Variants in SEPTIN9 observed in about 807,000 individuals in gnomAD.
SEPTIN9 encodes the protein septin-9.
In SEPTIN9, 13 loss-of-function variants were observed where a neutral mutation model predicts 56.6. That is an observed-to-expected ratio of 0.23 (90% CI 0.15 to 0.37). SEPTIN9 has a LOEUF of 0.37. Among genes scored for constraint, SEPTIN9 ranks in the 10% least tolerant of loss-of-function variants. The pLI, the probability that SEPTIN9 is intolerant of heterozygous loss-of-function variation, is 1.00. For synonymous variants in SEPTIN9, 332 were observed against 334.1 expected, an observed-to-expected ratio of 0.99 and a Z score of 0.07; for missense variants, 650 against 823.1, an observed-to-expected ratio of 0.79 and a Z score of 2.57.
chr17:77,321,774 C>T (rs1170669483), intron 2 of SEPTIN9, among the ~76,000 whole-genome samples: 1 of 152,190 alleles, frequency 6.6e-6, no homozygotes, highest in African/African-American at 2.4e-5. Flanking sequence ...GCACAGCAGG[C>T]GGACCTCAGG....
chr17:77,482,022 T>A, intron 3 of SEPTIN9, 122 bp from the exon 4 acceptor site: 1 of 961,490 alleles, frequency 1.0e-6, no homozygotes, highest in East Asian at 2.6e-5. Flanking sequence ...GGCAAGTCGC[T>A]TAGCCTTTCT....
chr17:77,315,830 G>A (rs1427258902), intron 2 of SEPTIN9, among the ~76,000 whole-genome samples: 1 of 152,214 alleles, frequency 6.6e-6, no homozygotes, highest in Non-Finnish European at 1.5e-5. Context: ...AAGTGGCCAG[G>A]GGTCTATGGG....
intron 3 of SEPTIN9, among the ~76,000 whole-genome samples, chr17:77,410,063 A>G (rs2036238644): frequency 6.6e-6 from 1 of 152,160 alleles, no homozygotes; most frequent in Non-Finnish European, 1.5e-5. Flanking sequence ...TGTCTCCTTC[A>G]GTCCAAGGGG....
intron 2 of SEPTIN9, among the ~76,000 whole-genome samples, chr17:77,321,933 G>A (rs764141966): frequency 5.3e-5 from 8 of 152,244 alleles, no homozygotes; most frequent in South Asian, 2.1e-4. Flanking sequence ...GGCAGGGAGC[G>A]CTGAGAGGGA....
rs965810792 is a variant in SEPTIN9, at chr17:77,400,351, T to C, written c.77-1708T>C. ...AGTGACGGAGCTGAGACAGGGCCTGTGACAACTGAGAGTTCTCTGGAGTCC... is the reference window on the plus strand; with the variant it reads ...AGTGACGGAGCTGAGACAGGGCCTGCGACAACTGAGAGTTCTCTGGAGTCC... On this transcript the variant is annotated intron_variant, in intron 2 of 11. Transcript: ENST00000427177. The surrounding 1 kb of genome is among the most constrained non-coding windows in gnomAD (Gnocchi z 4.1). Among the ~76,000 whole-genome samples, 1 of 152,196 alleles carries C rather than the reference T, an allele frequency of 6.6e-6. No individual in the cohort carries two copies. The highest frequency in any genetic ancestry group is 6.5e-5 in the Admixed American group (1 of 15,280).
chr17:77,426,189 C>G (rs1465610412), intron 3 of SEPTIN9, among the ~76,000 whole-genome samples: 2 of 152,048 alleles, frequency 1.3e-5, no homozygotes, highest in Non-Finnish European at 2.9e-5. Context: ...CGAGTGCCCT[C>G]TGACCCCTGC....
intron 2 of SEPTIN9, among the ~76,000 whole-genome samples, chr17:77,336,020 T>C (rs685933): frequency 2.1e-4 from 7 of 32,666 alleles, no homozygotes; most frequent in East Asian, 1.4e-3. Context: ...TACATGTAGG[T>C]CCTATGTTGA....
intron 8 of SEPTIN9, among the ~76,000 whole-genome samples, chr17:77,491,551 G>A (rs7503617): frequency 6.6e-6 from 1 of 151,000 alleles, no homozygotes; most frequent in Non-Finnish European, 1.5e-5. Flanking sequence ...GGTGGCTCAC[G>A]CCTGTAATCC....
In SEPTIN9 at chr17:77,421,115, C is replaced by T. The variant is rs561884090; in HGVS notation, c.721+18412C>T. On this transcript the variant is annotated intron_variant, in intron 3 of 11. Coordinates refer to ENST00000427177, the MANE Select transcript of SEPTIN9 (RefSeq NM_001113491.2). The surrounding 1 kb of genome is among the most constrained non-coding windows in gnomAD (Gnocchi z 4.6). ...TCCCGGGCTACCTGGAGTGATAACACAGCCCAGTGTCTGGGCCCCTGCCTG... is the reference window on the plus strand; with the variant it reads ...TCCCGGGCTACCTGGAGTGATAACATAGCCCAGTGTCTGGGCCCCTGCCTG... Among the ~76,000 whole-genome samples, 10 of 152,350 alleles carry T rather than the reference C, an allele frequency of 6.6e-5. No individual in the cohort carries two copies. The highest frequency in any genetic ancestry group is 1.9e-4 in the African/African-American group (8 of 41,590).
rs571581834 is a variant in SEPTIN9 at position 77,468,656 on chromosome 17, C to T, written c.722-13488C>T. Among the ~76,000 whole-genome samples, 8 of 152,302 alleles carry T rather than the reference C, an allele frequency of 5.3e-5. No homozygotes were observed. In the South Asian group the frequency reaches 6.2e-4, roughly 12 times the overall value. On this transcript the variant is annotated intron_variant, in intron 3 of 11. Transcript: ENST00000427177. Reference sequence around the variant, plus strand: ...ACTTGCTCAGGGTCACACAGCACGTCGGTGGTAGGCAGGATTCTGGAGCCA... The same window carrying T: ...ACTTGCTCAGGGTCACACAGCACGTTGGTGGTAGGCAGGATTCTGGAGCCA...
At chr17:77,396,580 G>A (rs575373069) in intron 2 of SEPTIN9, among the ~76,000 whole-genome samples, 16 of 152,196 alleles carry the variant, frequency 1.1e-4, no homozygotes, top group Admixed American at 2.6e-4. Flanking sequence ...CAGGAGGCCT[G>A]CACATTGGGA....
rs186999196 is a variant in SEPTIN9 at position 77,328,566 on chromosome 17, A to G, written c.76+21369A>G. Reference sequence around the variant, plus strand: ...TTTTTAGTAGAGATGGGGTTTCACCATGTTGGTCAGGCTGGTCCCGATCTC... The same window carrying G: ...TTTTTAGTAGAGATGGGGTTTCACCGTGTTGGTCAGGCTGGTCCCGATCTC... On this transcript the variant is annotated intron_variant, in intron 2 of 11. Transcript: ENST00000427177. Among the ~76,000 whole-genome samples the G allele has an allele frequency of 1.2e-4, 19 of 152,230 alleles. No homozygotes were observed. The East Asian group carries it at 3.1e-3, about 25-fold the overall frequency.
rs76276302 is a variant in SEPTIN9 at position 77,305,836 on chromosome 17, C to A, written c.20-1305C>A. Among the ~76,000 whole-genome samples, 685 of 143,366 alleles carry A rather than the reference C, an allele frequency of 4.8e-3. 4 individuals are homozygous for A. The highest frequency in any genetic ancestry group is 0.017 in the African/African-American group (638 of 38,416). The allele number at this position is 143,366 out of a possible 152,430, so 94.1% of individuals were successfully genotyped here. ...GCCTTTAGAAACAAGCTGGCTGCAC[C>A]CATTTCCATCTGGTCACAGTTTAGG... On this transcript the variant is annotated intron_variant, in intron 1 of 11. Coordinates refer to ENST00000427177, the MANE Select transcript of SEPTIN9 (RefSeq NM_001113491.2).
chr17:77,448,189 G>A (rs2037816644), intron 3 of SEPTIN9, among the ~76,000 whole-genome samples: 2 of 152,130 alleles, frequency 1.3e-5, no homozygotes, highest in South Asian at 2.1e-4. Context: ...GAGACTATCC[G>A]AGGATGGGCG....
At chr17:77,403,341 G>T (rs549402929) in intron 3 of SEPTIN9, among the ~76,000 whole-genome samples, 4 of 152,342 alleles carry the variant, frequency 2.6e-5, no homozygotes, top group South Asian at 2.1e-4. Flanking sequence ...CTGGGAAGGG[G>T]TGCCTGGACC....
Position 77,329,104 on chromosome 17 carries a change from G to A in SEPTIN9, c.76+21907G>A, listed in dbSNP as rs753235383. On this transcript the variant is annotated intron_variant, in intron 2 of 11. Transcript: ENST00000427177. This position sits in a 1 kb window ranked among gnomAD's most constrained non-coding sequence, Gnocchi z 4.3. ...CCAATGCGACAGGCAGGGCCAGGTC[G>A]TGCCGGGCCTTGGAGGCCCTGGTGA... 2.0e-5 allele frequency among the ~76,000 whole-genome samples: 3 copies of A among 152,324 alleles called. No individual in the cohort carries two copies. Among genetic ancestry groups the A allele is most frequent in the South Asian group, 4.2e-4 (2 of 4,818 alleles).
rs312860 is a variant in SEPTIN9 at position 77,400,379 on chromosome 17, A to G, written c.77-1680A>G. 0.28 allele frequency among the ~76,000 whole-genome samples: 42,455 copies of G among 151,916 alleles called. 7,421 individuals are homozygous for G. Among genetic ancestry groups the G allele is most frequent in the East Asian group, 0.84 (4,301 of 5,150 alleles). On this transcript the variant is annotated intron_variant, in intron 2 of 11. Coordinates refer to ENST00000427177, the MANE Select transcript of SEPTIN9 (RefSeq NM_001113491.2). This position sits in a 1 kb window ranked among gnomAD's most constrained non-coding sequence, Gnocchi z 4.1. ...CAACTGAGAGTTCTCTGGAGTCCAC[A>G]CGGCTCCTTGCCCAGCTTCTGGTGG...
chr17:77,498,631 G>C lies in SEPTIN9; in HGVS notation c.1734G>C (p.Glu578Asp). ...GCGCCATGGCCAACGGCATGGAGGA[G>C]AAGGAGCCAGAAGCCCCGGAGATGT... ...GSSAMANGMEEKEPEAPEM is the reference protein window; with the variant it reads ...GSSAMANGMEDKEPEAPEM Residue 578 changes from glutamate to aspartate, a missense_variant, in exon 12 of 12, where the codon GAG becomes GAC. Around this residue, in one of 2 missense-constraint regions of SEPTIN9, gnomAD observed 333 missense variants for 494.0 expected, o/e 0.67. Coordinates refer to ENST00000427177, the MANE Select transcript of SEPTIN9 (RefSeq NM_001113491.2). 1 of 1,609,806 alleles carries C rather than the reference G, an allele frequency of 6.2e-7. No individual in the cohort carries two copies. Among genetic ancestry groups the C allele is most frequent in the Non-Finnish European group, 8.5e-7 (1 of 1,178,582 alleles).
chr17:77,306,448 G>A (rs1345853561), intron 1 of SEPTIN9, among the ~76,000 whole-genome samples: 2 of 152,226 alleles, frequency 1.3e-5, no homozygotes, highest in Non-Finnish European at 2.9e-5. Context: ...AAATCTCCTC[G>A]AGTTAGGACT....
Sources: gnomAD v4.1 joint callset for allele counts (sites outside exome capture counted in the v4.1 genomes callset) on GRCh38, gnomAD v4.1.1 for gene constraint, gnomAD v4.1.1 regional missense constraint, Gnocchi (gnomAD v3.1) non-coding constraint, MANE v1.5 for transcripts, NCBI Gene and HGNC (gene_info 2026-07-23, HGNC 2026-07-21) for gene names.